The following GART variants were observed in gnomAD, a reference collection of about 807,000 sequenced individuals.
GART encodes the protein trifunctional purine biosynthetic protein adenosine-3.
In GART, 43 loss-of-function variants were observed where a neutral mutation model predicts 107.2. The observed-to-expected ratio is 0.40, with a 90% CI of 0.31 to 0.52. GART has a LOEUF of 0.52. GART is among the 20% of genes least tolerant of loss of function. The pLI is 0.52. For missense variants in GART, 1,107 were observed against 1,206.5 expected, an observed-to-expected ratio of 0.92 and a Z score of 1.22; for synonymous variants, 434 against 427.0, an observed-to-expected ratio of 1.02 and a Z score of -0.20.
intron 6 of GART, chr21:33,531,123 C>CA (rs2085179610): frequency 2.5e-6 from 1 of 392,290 alleles, no homozygotes; most frequent in Admixed American, 4.5e-5. Context: ...AAGCTACTCT[C>CA]AAAGTAAAAG....
rs2085171132 is a variant in GART at position 33,530,783 on chromosome 21, C to T, written c.699G>A (p.Met233Ile). The T allele has an allele frequency of 6.6e-7, 1 of 1,517,856 alleles. No individual in the cohort carries two copies. The highest frequency in any genetic ancestry group is 8.8e-7 in the Non-Finnish European group (1 of 1,138,868). 94.0% of individuals were successfully genotyped at this position (1,517,856 alleles called of 1,614,324 possible). A position where few individuals can be genotyped will look rare whatever the true frequency, so the allele number is the denominator to read the frequency against. ...EGDGGPNTGG[M>I]GAYCPAPQVS... ...CCTGAGGGGCTGGACAATAGGCTCC[C>T]ATTCCCCCTGTGTTAGGGCCACCAT... The change falls in exon 7 of 22, where the codon ATG becomes ATA. Residue 233 changes from methionine (M) to isoleucine (I), a missense_variant. Physicochemically the swap from Met to Ile is conservative, Grantham distance 10. Transcript: ENST00000381815.
In GART at chr21:33,511,093, C is replaced by T. The variant is rs569118626; in HGVS notation, c.2314+159G>A. Among the ~76,000 whole-genome samples the T allele has an allele frequency of 6.6e-5, 10 of 152,198 alleles. No individual in the cohort carries two copies. In the East Asian group the frequency reaches 1.3e-3, roughly 21 times the overall value. On this transcript the variant is annotated intron_variant, in intron 17 of 21. Coordinates refer to ENST00000381815, the MANE Select transcript of GART (RefSeq NM_000819.5). ...GCAGAAATGAAGAGATACGTGGTATCGCTGGGGTGGGTGCTGTCATGTTAC... is the reference window on the plus strand; with the variant it reads ...GCAGAAATGAAGAGATACGTGGTATTGCTGGGGTGGGTGCTGTCATGTTAC...
chr21:33,528,966 TA>T, intron 7 of GART, 29 bp from the exon 8 acceptor site: 1 of 1,452,024 alleles, frequency 6.9e-7, no homozygotes, highest in Non-Finnish European at 9.7e-7. Flanking sequence ...CAGTTAAATG[TA>T]ACAGGTAACT....
At chr21:33,534,380 T>C (rs2085262099) in intron 4 of GART, among the ~76,000 whole-genome samples, 199 bp downstream of exon 4, 1 of 152,008 alleles carries the variant, frequency 6.6e-6, no homozygotes, top group Non-Finnish European at 1.5e-5. Flanking sequence ...GCCCGGCTTT[T>C]TTTTTTCTGT....
intron 18 of GART, chr21:33,509,505 TCAA>T (rs1357168908): frequency 1.4e-5 from 4 of 286,450 alleles, no homozygotes; most frequent in Non-Finnish European, 2.6e-5. Context: ...TTCAGACTTT[TCAA>T]CAACAAAGCT....
rs1295037211 is a variant in GART at position 33,531,499 on chromosome 21, T to G, written c.587A>C (p.Glu196Ala). Residue 196 changes from glutamate to alanine, a missense_variant, in exon 6 of 22, where the codon GAA becomes GCA. Coordinates refer to ENST00000381815, the MANE Select transcript of GART (RefSeq NM_000819.5). ...TIVIEELLDG[E>A]EVSCLCFTDG... is the part of the protein sequence containing the mutation. The stretch of plus-strand genomic sequence containing the variant: ...GATGAATATACATACCGACACCTCT[T>G]CTCCGTCAAGAAGTTCTTCAATGAC... 6.2e-7 allele frequency: 1 copy of G among 1,612,910 alleles called. No individual in the cohort carries two copies. Among genetic ancestry groups the G allele is most frequent in the Non-Finnish European group, 8.5e-7 (1 of 1,179,560 alleles).
At position 33,524,749 on chromosome 21, in the gene GART, T is replaced by C. The variant is rs540843493; in HGVS notation, c.1298+20A>G. On this transcript the variant is annotated intron_variant, in intron 11 of 21. Coordinates refer to ENST00000381815, the MANE Select transcript of GART (RefSeq NM_000819.5). The stretch of plus-strand genomic sequence containing the variant: ...CCAGTTTCTGAAATGGCACTACAGC[T>C]AACTTGCTTAGAGTTTTACCTGGGC... 918 of 1,614,086 alleles carry C rather than the reference T, an allele frequency of 5.7e-4. 13 individuals carry two copies. The South Asian group carries it at 9.5e-3, about 17-fold the overall frequency.
chr21:33,534,772 G>C lies in GART; in HGVS notation c.242-19C>G. The C allele has an allele frequency of 6.5e-7, 1 of 1,537,194 alleles. No individual in the cohort carries two copies. The highest frequency in any genetic ancestry group is 8.7e-7 in the Non-Finnish European group (1 of 1,147,388). On this transcript the variant is annotated intron_variant, in intron 3 of 21. Coordinates refer to ENST00000381815, the MANE Select transcript of GART (RefSeq NM_000819.5). ...ACAATCCCTATTGATGAAAACAGTA[G>C]CCTTAGGTGAACCAAGGTCTCCCCA...
Position 33,521,866 on chromosome 21 carries a change from G to A in GART, c.1393+322C>T, listed in dbSNP as rs1461712337. 2.7e-5 allele frequency among the ~76,000 whole-genome samples: 4 copies of A among 149,700 alleles called. No individual in the cohort carries two copies. The Admixed American group carries it at 2.7e-4, about 10-fold the overall frequency. The stretch of plus-strand genomic sequence containing the variant: ...CCCAATTACTTGGGAGACTGAGGCA[G>A]GAGAATCGCTTGAAATCAGGATGCA... On this transcript the variant is annotated intron_variant, in intron 12 of 21. Transcript: ENST00000381815.
At chr21:33,532,480 AC>A in intron 4 of GART, 24 bp from the exon 5 acceptor site, 7 of 1,526,056 alleles carry the variant, frequency 4.6e-6, no homozygotes, top group Non-Finnish European at 6.4e-6. Flanking sequence ...GTAATCGTCA[AC>A]ATCCAATAAA....
intron 16 of GART, among the ~76,000 whole-genome samples, chr21:33,511,819 A>G (rs1454257705): frequency 6.6e-6 from 1 of 152,128 alleles, no homozygotes; most frequent in Non-Finnish European, 1.5e-5. Context: ...TGATGACCAA[A>G]ATGCACCCAA....
chr21:33,508,352 G>A (rs774683275), intron 18 of GART, among the ~76,000 whole-genome samples: 14 of 151,766 alleles, frequency 9.2e-5, no homozygotes, highest in Middle Eastern at 3.2e-3. Context: ...TTTTAGATTC[G>A]GGGGTACACA....
Position 33,520,967 on chromosome 21 carries a change from G to A in GART, c.1442C>T (p.Ala481Val). The change falls in exon 13 of 22, where the codon GCA becomes GTA. Residue 481 changes from alanine (A) to valine (V), a missense_variant. Transcript: ENST00000381815. ...CAGAAGGGGATCTTTGAAACCAGCT[G>A]CTTTTAAATCAAAAAGACCAGCAAA... ...GGFAGLFDLK[A>V]AGFKDPLLAS... 1 of 1,614,022 alleles carries A rather than the reference G, an allele frequency of 6.2e-7. No homozygotes were observed. Among genetic ancestry groups the A allele is most frequent in the Non-Finnish European group, 8.5e-7 (1 of 1,179,956 alleles).
chr21:33,518,276 G>C (rs1228200538), intron 14 of GART, among the ~76,000 whole-genome samples: 3 of 151,760 alleles, frequency 2.0e-5, no homozygotes, highest in East Asian at 3.9e-4. Context: ...TCAGGAGTTC[G>C]AGACTATCCC....
rs1281553728 is a variant in GART at position 33,539,349 on chromosome 21, A to C, written c.-34T>G. On this transcript the variant is annotated 5_prime_UTR_variant, in exon 2 of 22. The change creates a new upstream start codon in the 5' untranslated region. Coordinates refer to ENST00000381815, the MANE Select transcript of GART (RefSeq NM_000819.5). ...CTGTAAAGCAGAAATTCCAAAGGAA[A>C]ATGAAACCTGCAGAAAGAAAACCAC... The C allele has an allele frequency of 4.4e-6, 7 of 1,589,312 alleles. No individual in the cohort carries two copies. Among genetic ancestry groups the C allele is most frequent in the Middle Eastern group, 1.7e-4 (1 of 5,922 alleles).
intron 4 of GART, among the ~76,000 whole-genome samples, chr21:33,533,009 C>A (rs767400454): frequency 9.9e-5 from 15 of 151,898 alleles, no homozygotes; most frequent in Non-Finnish European, 1.9e-4. Flanking sequence ...GAAACTGACA[C>A]AACTGAAAGG....
intron 11 of GART, chr21:33,523,983 A>G (rs1489079113): frequency 6.2e-6 from 6 of 961,748 alleles, no homozygotes; most frequent in South Asian, 9.6e-5. Context: ...AAAAAAAAAA[A>G]AAAAAAAGAA....
intron 11 of GART, among the ~76,000 whole-genome samples, chr21:33,522,930 G>A (rs1038427504): frequency 6.6e-6 from 1 of 152,172 alleles, no homozygotes. Context: ...TGTAAAAACC[G>A]TACACAAGTA....
chr21:33,510,824 G>A (rs1047686025), intron 17 of GART, among the ~76,000 whole-genome samples: 1 of 151,806 alleles, frequency 6.6e-6, no homozygotes, highest in Admixed American at 6.6e-5. Flanking sequence ...TTTAGTATGT[G>A]TCCTGCCAAA....
Sources: allele counts gnomAD v4.1 joint callset (sites outside exome capture counted in the v4.1 genomes callset), GRCh38; gene constraint gnomAD v4.1.1; transcripts MANE v1.5; gene names NCBI Gene and HGNC (gene_info 2026-07-23, HGNC 2026-07-21).